Variants in CMYA5 observed in about 807,000 individuals in gnomAD.
CMYA5 encodes cardiomyopathy associated 5, also known as cardiomyopathy-associated protein 5.
CMYA5 carries 246 observed loss-of-function variants against 318.9 expected under a neutral mutation model. The observed-to-expected ratio is 0.77, with a 90% CI of 0.70 to 0.86. CMYA5 has a LOEUF of 0.86. CMYA5 is among the 40% of genes least tolerant of loss of function. CMYA5 has a pLI of 0.00. For synonymous variants in CMYA5, 1,641 were observed against 1,729.5 expected (o/e 0.95, Z 1.27); for missense variants, 4,589 against 4,678.2 (o/e 0.98, Z 0.56).
intron 1 of CMYA5, among the ~76,000 whole-genome samples, chr5:79,693,474 G>A (rs1266954923): frequency 6.6e-6 from 1 of 151,886 alleles, no homozygotes; most frequent in Non-Finnish European, 1.5e-5. Context: ...CTGAGTAGCT[G>A]GGACTACAGG....
intron 6 of CMYA5, among the ~76,000 whole-genome samples, chr5:79,757,390 C>G (rs1477620416): frequency 6.6e-6 from 1 of 151,932 alleles, no homozygotes; most frequent in Non-Finnish European, 1.5e-5. Flanking sequence ...GGAAAACATC[C>G]AAGGATTTTG....
In CMYA5 at chr5:79,737,393, G is replaced by A. The variant is rs374758490; in HGVS notation, c.8628G>A (p.Ala2876=). 4.8e-5 allele frequency: 78 copies of A among 1,613,830 alleles called. 1 individual carries two copies. The highest frequency in any genetic ancestry group is 4.8e-4 in the South Asian group (44 of 91,072). ...VLVSKHHLEA[A]EDTRVKEPLS... ...TTTCAAAGCACCACTTGGAGGCTGC[G>A]GAAGATACCCGTGTAAAGGAACCAC... The change falls in exon 2 of 13, where the codon GCG becomes GCA. Residue 2876 remains alanine, a synonymous_variant. Coordinates refer to ENST00000446378, the MANE Select transcript of CMYA5 (RefSeq NM_153610.5).
chr5:79,705,418 A>ATT (rs201773583), intron 1 of CMYA5, among the ~76,000 whole-genome samples: 23,293 of 148,596 alleles, frequency 0.16, 2,954 homozygotes, highest in African/African-American at 0.32. Flanking sequence ...TAGATATAGT[A>ATT]TTTTTTTTTT....
At chr5:79,726,678 G>A (rs983075609) in intron 1 of CMYA5, among the ~76,000 whole-genome samples, 6 of 152,134 alleles carry the variant, frequency 3.9e-5, no homozygotes, top group African/African-American at 1.4e-4. Context: ...GGCTGCCCCA[G>A]GCTCCCCATG....
At chr5:79,706,282 TGTATGCAGAAGTACA>T (rs1339781288) in intron 1 of CMYA5, among the ~76,000 whole-genome samples, 1 of 152,168 alleles carries the variant, frequency 6.6e-6, no homozygotes, top group Admixed American at 6.5e-5. Flanking sequence ...ACATAACATC[TGTATGCAGAAGTACA>T]GTATACAGAG....
At position 79,731,358 on chromosome 5, in the gene CMYA5, TCTG is replaced by T; in HGVS notation, c.2594_2596del (p.Ser865_Glu866delinsTer). Reference sequence around the variant, plus strand: ...CCCACCACACACAACCGAGATGACTTCTGAATGCCAGGCCCCACCACTTTCAGC... The same window carrying T: ...CCCACCACACACAACCGAGATGACTTAATGCCAGGCCCCACCACTTTCAGC... On this transcript the variant is annotated stop_gained and inframe_deletion, in exon 2 of 13. Coordinates refer to ENST00000446378, the MANE Select transcript of CMYA5 (RefSeq NM_153610.5). LOFTEE classifies it high-confidence loss of function. 6.2e-7 allele frequency: 1 copy of T among 1,613,916 alleles called. No homozygotes were observed. The highest frequency in any genetic ancestry group is 8.5e-7 in the Non-Finnish European group (1 of 1,179,884).
chr5:79,765,915 T>C (rs1470997419), intron 9 of CMYA5, among the ~76,000 whole-genome samples: 2 of 152,214 alleles, frequency 1.3e-5, no homozygotes, highest in African/African-American at 4.8e-5. Flanking sequence ...TTTCTAAATA[T>C]ACAATCATGT....
intron 2 of CMYA5, among the ~76,000 whole-genome samples, chr5:79,740,178 G>C (rs2151089046): frequency 6.6e-6 from 1 of 152,126 alleles, no homozygotes; most frequent in Middle Eastern, 3.4e-3. Context: ...TCAGAGACTT[G>C]AGCATCTTCA....
At position 79,742,063 on chromosome 5, in the gene CMYA5, T is replaced by C. The variant is rs1828219625; in HGVS notation, c.10639-1764T>C. ...CCTCTTTCTCCTCTTCTTCTTCTTC[T>C]TCTTCTTCTTCTTCTTCTTCTTCTT... On this transcript the variant is annotated intron_variant, in intron 2 of 12. Coordinates refer to ENST00000446378, the MANE Select transcript of CMYA5 (RefSeq NM_153610.5). Among the ~76,000 whole-genome samples the C allele has an allele frequency of 4.7e-4, 20 of 42,500 alleles. No homozygotes were observed. The African/African-American group carries it at 6.1e-3, about 13-fold the overall frequency. The allele number at this position is 42,500 out of a possible 152,430, so 27.9% of individuals were successfully genotyped here. A position where few individuals can be genotyped will look rare whatever the true frequency, so the allele number is the denominator to read the frequency against.
chr5:79,729,517 G>T lies in CMYA5; in HGVS notation c.752G>T (p.Gly251Val), dbSNP rs895174240. The part of the protein sequence containing the change: ...PLQFYGTLPK[G>V]YVIKEIHYRK... The stretch of plus-strand genomic sequence containing the variant: ...CAATTTTATGGAACATTGCCAAAGG[G>T]TTATGTAATTAAAGAAATACATTAT... Residue 251 changes from glycine to valine, a missense_variant, in exon 2 of 13, where the codon GGT (glycine) becomes GTT (valine). By Grantham distance (109) the Gly-to-Val change is moderately radical. Around this residue, in one of 3 missense-constraint regions of CMYA5, gnomAD observed 2,132 missense variants for 2,131.3 expected, o/e 1.00. Transcript: ENST00000446378. The T allele has an allele frequency of 5.6e-6, 9 of 1,611,688 alleles. No homozygotes were observed. In the Admixed American group the frequency reaches 6.7e-5, roughly 12 times the overall value.
chr5:79,699,728 G>T (rs531150100), intron 1 of CMYA5, among the ~76,000 whole-genome samples: 1 of 152,168 alleles, frequency 6.6e-6, no homozygotes, highest in East Asian at 1.9e-4. Context: ...CTGCAGGAAG[G>T]GGTGACATTC....
At chr5:79,691,262 A>C (rs1826966007) in intron 1 of CMYA5, among the ~76,000 whole-genome samples, 1 of 152,192 alleles carries the variant, frequency 6.6e-6, no homozygotes, top group Non-Finnish European at 1.5e-5. Context: ...ATCAGGGAGT[A>C]GGGGACCTGT....
chr5:79,706,788 C>T (rs1054623480), intron 1 of CMYA5, among the ~76,000 whole-genome samples: 2 of 152,170 alleles, frequency 1.3e-5, no homozygotes, highest in Admixed American at 1.3e-4. Flanking sequence ...TGTCTTTACA[C>T]AGTCCTGCAT....
At chr5:79,741,664 T>C (rs1580779816) in intron 2 of CMYA5, among the ~76,000 whole-genome samples, 1 of 152,150 alleles carries the variant, frequency 6.6e-6, no homozygotes, top group African/African-American at 2.4e-5. Context: ...CATTCTGCGG[T>C]GATACTTTGT....
Position 79,733,870 on chromosome 5 carries a change from C to A in CMYA5, c.5105C>A (p.Ser1702Ter). The stretch of plus-strand genomic sequence containing the variant: ...ATGCCTGCAATTTCAGAGCTTTCAT[C>A]ATTGCTTAGGGAGGAATCTCAGAAT... ...STMPAISELS[S>*]LLREESQNEE... The change falls in exon 2 of 13, where the codon TCA (serine) becomes TAA (stop). Residue 1702 changes from serine (S) to a stop codon, truncating the protein, a stop_gained. Transcript: ENST00000446378. LOFTEE classifies it high-confidence loss of function. 6.2e-7 allele frequency: 1 copy of A among 1,613,542 alleles called. No homozygotes were observed. Among genetic ancestry groups the A allele is most frequent in the Non-Finnish European group, 8.5e-7 (1 of 1,179,818 alleles).
chr5:79,730,005 G>A lies in CMYA5; in HGVS notation c.1240G>A (p.Val414Ile), dbSNP rs201209818. 4.0e-4 allele frequency: 643 copies of A among 1,613,910 alleles called. No homozygotes were observed. Among genetic ancestry groups the A allele is most frequent in the Non-Finnish European group, 4.9e-4 (584 of 1,179,908 alleles). ...GTAASENDSSVSPSFANEVKK... is the reference protein window; with the variant it reads ...GTAASENDSSISPSFANEVKK... ...TGCAGCTTCAGAGAATGACTCTTCA[G>A]TCTCACCATCATTTGCTAATGAGGT... Residue 414 changes from valine to isoleucine, a missense_variant, in exon 2 of 13, where the codon GTC becomes ATC. Val to Ile is a conservative substitution (Grantham distance 29). Around this residue, in one of 3 missense-constraint regions of CMYA5, gnomAD observed 2,132 missense variants for 2,131.3 expected, o/e 1.00. Coordinates refer to ENST00000446378, the MANE Select transcript of CMYA5 (RefSeq NM_153610.5).
intron 1 of CMYA5, among the ~76,000 whole-genome samples, chr5:79,704,209 A>G (rs935054716): frequency 6.6e-6 from 1 of 152,090 alleles, no homozygotes; most frequent in African/African-American, 2.4e-5. Context: ...TCCAGGAAAA[A>G]AAAAAAAAGG....
rs775182052 is a variant in CMYA5 at position 79,752,760 on chromosome 5, G to A, written c.11076G>A (p.Ser3692=). The A allele has an allele frequency of 3.3e-4, 526 of 1,613,360 alleles. No homozygotes were observed. Among genetic ancestry groups the A allele is most frequent in the Non-Finnish European group, 4.1e-4 (478 of 1,179,610 alleles). Residue 3692 remains serine (S), a synonymous_variant, in exon 6 of 13, where the codon TCG becomes TCA. Transcript: ENST00000446378. ...TTTTCGAACATTATGATGACAGCTC[G>A]GCAAGAAGTGACCAGATGTTAAAAC... ...FSLFEHYDDS[S]ARSDQMLKQV...
In CMYA5 at chr5:79,762,958, T is replaced by C. The variant is rs965434297; in HGVS notation, c.11408-104T>C. ...ACAGAATACACTTTCTGATGAAAAATTGAAAACAGAATCATGCCGAAGCCG... is the reference window on the plus strand; with the variant it reads ...ACAGAATACACTTTCTGATGAAAAACTGAAAACAGAATCATGCCGAAGCCG... On this transcript the variant is annotated intron_variant, in intron 8 of 12. Transcript: ENST00000446378. 9.1e-6 allele frequency: 12 copies of C among 1,325,398 alleles called. No individual in the cohort carries two copies. The African/African-American group carries it at 1.0e-4, about 11-fold the overall frequency. 82.1% of individuals were successfully genotyped at this position (1,325,398 alleles called of 1,614,324 possible).
Sources: allele counts gnomAD v4.1 joint callset (sites outside exome capture counted in the v4.1 genomes callset), GRCh38; gene constraint gnomAD v4.1.1; regional missense constraint gnomAD v4.1.1; transcripts MANE v1.5; gene names NCBI Gene and HGNC (gene_info 2026-07-23, HGNC 2026-07-21).